GNAQ: variants seen among roughly 807,000 people sequenced by gnomAD.
GNAQ encodes the protein G protein subunit alpha q.
Under a neutral mutation model 43.9 loss-of-function variants are expected in GNAQ, and 8 were observed. The ratio of observed to expected loss-of-function variants is 0.18; its 90% CI spans 0.11 to 0.33. The LOEUF (loss-of-function observed/expected upper bound fraction) is 0.33. GNAQ is among the 10% of genes least tolerant of loss of function. The pLI is 1.00. For missense variants in GNAQ, 158 were observed against 450.8 expected (o/e 0.35, Z 5.88); for synonymous variants, 155 against 170.7 (o/e 0.91, Z 0.71).
At chr9:77,958,015 C>G (rs552997941) in intron 1 of GNAQ, among the ~76,000 whole-genome samples, 129 of 152,260 alleles carry the variant, frequency 8.5e-4, no homozygotes, top group African/African-American at 2.8e-3. Flanking sequence ...ACAAAGGTTT[C>G]TTAAAATACA....
chr9:77,746,642 T>G (rs1332591877), intron 5 of GNAQ, among the ~76,000 whole-genome samples: 1 of 152,056 alleles, frequency 6.6e-6, no homozygotes, highest in Non-Finnish European at 1.5e-5. Context: ...CAGCTGCTCA[T>G]CAATGAACAA....
intron 1 of GNAQ, among the ~76,000 whole-genome samples, chr9:77,946,968 A>G (rs1320046324): frequency 1.3e-5 from 2 of 152,266 alleles, no homozygotes; most frequent in Non-Finnish European, 2.9e-5. Context: ...ATTATGGCAA[A>G]TAAAGCCATT....
rs567845096 is a variant in GNAQ, at chr9:77,949,807, T to C, written c.137-27462A>G. On this transcript the variant is annotated intron_variant, in intron 1 of 6. Transcript: ENST00000286548. Reference sequence around the variant, plus strand: ...AACTTTTCCATATTTCCCGTATCTTTATTCATATTCTAACTCAATGAAAGC... The same window carrying C: ...AACTTTTCCATATTTCCCGTATCTTCATTCATATTCTAACTCAATGAAAGC... Among the ~76,000 whole-genome samples the C allele has an allele frequency of 1.1e-4, 17 of 152,306 alleles. No individual in the cohort carries two copies. In the South Asian group the frequency reaches 3.1e-3, roughly 28 times the overall value.
intron 5 of GNAQ, among the ~76,000 whole-genome samples, chr9:77,778,521 G>C (rs569818282): frequency 1.1e-4 from 17 of 151,772 alleles, no homozygotes; most frequent in Non-Finnish European, 1.9e-4. Flanking sequence ...GACAAAAATA[G>C]GAATAAAGAA....
At chr9:77,835,889 AT>A (rs1827375684) in intron 2 of GNAQ, among the ~76,000 whole-genome samples, 1 of 152,132 alleles carries the variant, frequency 6.6e-6, no homozygotes, top group South Asian at 2.1e-4. Flanking sequence ...TTATTTATTT[AT>A]TTTGTATTAA....
At position 77,949,805 on chromosome 9, in the gene GNAQ, T is replaced by A. The variant is rs548085613; in HGVS notation, c.137-27460A>T. Among the ~76,000 whole-genome samples the A allele has an allele frequency of 7.2e-5, 11 of 152,294 alleles. No homozygotes were observed. The East Asian group carries it at 2.1e-3, about 29-fold the overall frequency. Reference sequence around the variant, plus strand: ...GAAACTTTTCCATATTTCCCGTATCTTTATTCATATTCTAACTCAATGAAA... The same window carrying A: ...GAAACTTTTCCATATTTCCCGTATCATTATTCATATTCTAACTCAATGAAA... On this transcript the variant is annotated intron_variant, in intron 1 of 6. Transcript: ENST00000286548.
At chr9:77,879,340 T>G (rs1828175958) in intron 2 of GNAQ, among the ~76,000 whole-genome samples, 1 of 152,126 alleles carries the variant, frequency 6.6e-6, no homozygotes. Flanking sequence ...CTAAGCTCAC[T>G]GCAACCTCCG....
intron 3 of GNAQ, among the ~76,000 whole-genome samples, chr9:77,804,149 T>C (rs1221229998): frequency 2.0e-5 from 3 of 152,150 alleles, no homozygotes; most frequent in African/African-American, 7.2e-5. Context: ...ATGCTCCCAT[T>C]TGACATGAAT....
chr9:78,018,526 T>G (rs1026432407), intron 1 of GNAQ, among the ~76,000 whole-genome samples: 14 of 152,188 alleles, frequency 9.2e-5, no homozygotes, highest in African/African-American at 3.1e-4. Flanking sequence ...AATAACAGAA[T>G]GTGGGTTGTC....
At chr9:77,736,962 T>C (rs973072473) in intron 5 of GNAQ, among the ~76,000 whole-genome samples, 1 of 152,236 alleles carries the variant, frequency 6.6e-6, no homozygotes, top group Non-Finnish European at 1.5e-5. Flanking sequence ...TGCCATACTT[T>C]ACGCTTATTT....
At chr9:77,748,545 A>T (rs1385199453) in intron 5 of GNAQ, among the ~76,000 whole-genome samples, 2 of 152,220 alleles carry the variant, frequency 1.3e-5, no homozygotes, top group African/African-American at 4.8e-5. Context: ...ACTGTGGAGG[A>T]TGACAGAAGT....
At chr9:78,002,876 T>C (rs1823660779) in intron 1 of GNAQ, among the ~76,000 whole-genome samples, 1 of 152,196 alleles carries the variant, frequency 6.6e-6, no homozygotes, top group South Asian at 2.1e-4. Context: ...TGAGGGCCGG[T>C]AGAAAATGTC....
intron 3 of GNAQ, among the ~76,000 whole-genome samples, chr9:77,799,302 C>T (rs1021512621): frequency 6.6e-6 from 1 of 152,150 alleles, no homozygotes; most frequent in South Asian, 2.1e-4. Flanking sequence ...TGTATACCCA[C>T]AAACAAGAGG....
At chr9:77,948,936 G>C (rs1001215571) in intron 1 of GNAQ, among the ~76,000 whole-genome samples, 2 of 152,032 alleles carry the variant, frequency 1.3e-5, no homozygotes, top group African/African-American at 4.8e-5. Context: ...ACAATGTCTT[G>C]ATACAGACAG....
intron 5 of GNAQ, among the ~76,000 whole-genome samples, chr9:77,782,845 G>T (rs868023959): frequency 3.9e-5 from 6 of 152,158 alleles, no homozygotes; most frequent in Non-Finnish European, 5.9e-5. Context: ...AGACATGGAG[G>T]AACTTCAAAT....
At chr9:77,892,000 C>T (rs1239792072) in intron 2 of GNAQ, among the ~76,000 whole-genome samples, 1 of 152,084 alleles carries the variant, frequency 6.6e-6, no homozygotes, top group Non-Finnish European at 1.5e-5. Context: ...TTTCAAAAGC[C>T]AAGATTCTGT....
At chr9:77,857,057 T>C (rs1827766961) in intron 2 of GNAQ, among the ~76,000 whole-genome samples, 1 of 152,190 alleles carries the variant, frequency 6.6e-6, no homozygotes, top group Non-Finnish European at 1.5e-5. Flanking sequence ...CTTAGCATTC[T>C]AATCACCATC....
At chr9:77,770,087 T>C (rs1197557794) in intron 5 of GNAQ, among the ~76,000 whole-genome samples, 1 of 152,200 alleles carries the variant, frequency 6.6e-6, no homozygotes, top group South Asian at 2.1e-4. Context: ...ATGATTGGTA[T>C]AACTTGAGAA....
intron 3 of GNAQ, among the ~76,000 whole-genome samples, chr9:77,806,203 T>C (rs1320914320): frequency 6.6e-6 from 1 of 152,252 alleles, no homozygotes; most frequent in East Asian, 1.9e-4. Context: ...GCTTTGTTAA[T>C]TTATTCATCT....
Sources: allele counts gnomAD v4.1 joint callset (sites outside exome capture counted in the v4.1 genomes callset), GRCh38; gene constraint gnomAD v4.1.1; transcripts MANE v1.5; gene names NCBI Gene and HGNC (gene_info 2026-07-23, HGNC 2026-07-21).